The following IGFBP7 variants were observed in gnomAD, a reference collection of about 807,000 sequenced individuals.
IGFBP7 encodes insulin-like growth factor-binding protein 7.
IGFBP7 carries 31 observed loss-of-function variants against 29.4 expected under a neutral mutation model. The observed-to-expected ratio is 1.05, with a 90% CI of 0.79 to 1.42. The LOEUF (loss-of-function observed/expected upper bound fraction) is 1.42, where lower values mean the gene tolerates loss of function less well. Ranked by LOEUF, IGFBP7 falls within the 40% of genes most tolerant of loss-of-function variation. The pLI is 0.00. For synonymous variants in IGFBP7, 172 were observed against 174.9 expected (o/e 0.98, Z 0.13); for missense variants, 393 against 395.5 (o/e 0.99, Z 0.05).
chr4:57,056,623 G>C (rs1261613866), intron 1 of IGFBP7, among the ~76,000 whole-genome samples: 1 of 152,186 alleles, frequency 6.6e-6, no homozygotes, highest in Non-Finnish European at 1.5e-5. Flanking sequence ...AGAACTGGAA[G>C]GCTTTGCATA....
intron 1 of IGFBP7, among the ~76,000 whole-genome samples, chr4:57,041,558 C>A (rs1464809032): frequency 6.6e-6 from 1 of 151,948 alleles, no homozygotes; most frequent in Non-Finnish European, 1.5e-5. Context: ...TTTTTTGATA[C>A]AGAATCTCAT....
At chr4:57,079,678 G>GA (rs945573182) in intron 1 of IGFBP7, among the ~76,000 whole-genome samples, 1 of 152,062 alleles carries the variant, frequency 6.6e-6, no homozygotes, top group African/African-American at 2.4e-5. Context: ...AACCTCAAGT[G>GA]AAAAAAATCT....
chr4:57,055,153 G>T (rs1724624231), intron 1 of IGFBP7, among the ~76,000 whole-genome samples: 1 of 151,670 alleles, frequency 6.6e-6, no homozygotes, highest in South Asian at 2.1e-4. Flanking sequence ...GCAGAAATAG[G>T]CAGCAGACAC....
intron 1 of IGFBP7, among the ~76,000 whole-genome samples, chr4:57,098,673 A>G (rs895937425): frequency 6.6e-6 from 1 of 152,156 alleles, no homozygotes; most frequent in Middle Eastern, 3.2e-3. Flanking sequence ...CACTGAGCTG[A>G]GCATTTCTAC....
At chr4:57,044,814 C>T (rs11947401) in intron 1 of IGFBP7, among the ~76,000 whole-genome samples, 25,349 of 151,578 alleles carry the variant, frequency 0.17, 2,207 homozygotes, top group East Asian at 0.31. Flanking sequence ...TATATCTGTT[C>T]CCCCCCAATC....
rs116350202 is a variant in IGFBP7, at chr4:57,080,195, A to C, written c.475+29682T>G. Among the ~76,000 whole-genome samples the C allele has an allele frequency of 3.1e-3, 478 of 152,376 alleles. 3 individuals carry two copies. The highest frequency in any genetic ancestry group is 0.01 in the African/African-American group (416 of 41,594). ...GAATGAACCAATGACAAAGTGAATG[A>C]GATTTCTGAAGACTGGATTTTCAAA... On this transcript the variant is annotated intron_variant, in intron 1 of 4. Transcript: ENST00000295666.
chr4:57,071,570 G>A (rs1390326634), intron 1 of IGFBP7, among the ~76,000 whole-genome samples: 2 of 152,142 alleles, frequency 1.3e-5, no homozygotes, highest in East Asian at 3.9e-4. Flanking sequence ...TCCCTGGGTG[G>A]TCACTGTGTG....
chr4:57,035,462 C>CT lies in IGFBP7; in HGVS notation c.586-2152dup, dbSNP rs567003303. 2.2e-3 allele frequency among the ~76,000 whole-genome samples: 326 copies of CT among 148,726 alleles called. 1 individual carries two copies. Among genetic ancestry groups the CT allele is most frequent in the Middle Eastern group, 3.4e-3 (1 of 292 alleles). On this transcript the variant is annotated intron_variant, in intron 2 of 4. Transcript: ENST00000295666. ...CTAAGTGTTGTTAAGTATGTGTTTT[C>CT]TTTTTTTTTTGAGACAGAGTCTCGC...
chr4:57,033,353 A>C, intron 2 of IGFBP7, 42 bp from the exon 3 acceptor site: 2 of 1,307,504 alleles, frequency 1.5e-6, no homozygotes, highest in South Asian at 1.2e-5. Flanking sequence ...TTTGTACACC[A>C]GATCATCTAC....
At chr4:57,084,697 G>A (rs1242592430) in intron 1 of IGFBP7, among the ~76,000 whole-genome samples, 1 of 151,350 alleles carries the variant, frequency 6.6e-6, no homozygotes, top group African/African-American at 2.4e-5. Flanking sequence ...TAGTTTCTGT[G>A]GTAAAATCAG....
At chr4:57,100,827 C>T (rs1339407897) in intron 1 of IGFBP7, among the ~76,000 whole-genome samples, 1 of 152,216 alleles carries the variant, frequency 6.6e-6, no homozygotes, top group Non-Finnish European at 1.5e-5. Context: ...CTTTGAATAG[C>T]AAGCCTGTAG....
intron 1 of IGFBP7, among the ~76,000 whole-genome samples, chr4:57,100,484 A>AT (rs1725870002): frequency 6.6e-6 from 1 of 152,178 alleles, no homozygotes; most frequent in African/African-American, 2.4e-5. Flanking sequence ...ATAATATGAC[A>AT]TTTTTTAGAA....
At chr4:57,081,353 G>A (rs1277396440) in intron 1 of IGFBP7, among the ~76,000 whole-genome samples, 1 of 151,976 alleles carries the variant, frequency 6.6e-6, no homozygotes, top group Non-Finnish European at 1.5e-5. Flanking sequence ...GAATTATGAA[G>A]GGAGGAAGCT....
intron 1 of IGFBP7, among the ~76,000 whole-genome samples, chr4:57,042,594 C>A (rs1042676189): frequency 2.6e-5 from 4 of 152,180 alleles, no homozygotes; most frequent in South Asian, 2.1e-4. Flanking sequence ...GCGATCCCCC[C>A]ACCTTGGCCT....
At chr4:57,085,730 A>C (rs182847154) in intron 1 of IGFBP7, among the ~76,000 whole-genome samples, 171 of 152,110 alleles carry the variant, frequency 1.1e-3, no homozygotes, top group African/African-American at 4.0e-3. Context: ...TAAAATGTAA[A>C]ATTGGTTTTC....
At chr4:57,038,009 G>C (rs1279258692) in intron 2 of IGFBP7, among the ~76,000 whole-genome samples, 1 of 152,134 alleles carries the variant, frequency 6.6e-6, no homozygotes, top group Non-Finnish European at 1.5e-5. Context: ...TAACTGATCG[G>C]GGTGAAATTT....
chr4:57,034,862 CTT>C (rs1385047166), intron 2 of IGFBP7, among the ~76,000 whole-genome samples: 1 of 152,168 alleles, frequency 6.6e-6, no homozygotes. Context: ...AACCACGTAA[CTT>C]AATGTCTTTC....
chr4:57,052,284 G>C (rs534694155), intron 1 of IGFBP7, among the ~76,000 whole-genome samples: 1 of 152,174 alleles, frequency 6.6e-6, no homozygotes, highest in African/African-American at 2.4e-5. Flanking sequence ...AGCCTCAAAG[G>C]TTCCAGGAGG....
chr4:57,103,657 T>TTTA (rs1221040710), intron 1 of IGFBP7, among the ~76,000 whole-genome samples: 4 of 60,328 alleles, frequency 6.6e-5, no homozygotes, highest in African/African-American at 2.6e-4. Flanking sequence ...TTTTTTTTCT[T>TTTA]TTCTTTTTTT....
Sources: gnomAD v4.1 joint callset for allele counts (sites outside exome capture counted in the v4.1 genomes callset) on GRCh38, gnomAD v4.1.1 for gene constraint, MANE v1.5 for transcripts, NCBI Gene and HGNC (gene_info 2026-07-23, HGNC 2026-07-21) for gene names.